The following CEACAM8 variants were observed in gnomAD, a reference collection of about 807,000 sequenced individuals.
The protein encoded by CEACAM8 is cell adhesion molecule CEACAM8.
Under a neutral mutation model 33.4 loss-of-function variants are expected in CEACAM8, and 31 were observed. The observed-to-expected ratio is 0.93, with a 90% CI of 0.70 to 1.25. The LOEUF is 1.25. CEACAM8 is among the 50% of genes most tolerant of loss of function. The probability of loss-of-function intolerance (pLI) is 0.00; values close to 1 mark genes in which losing one functional copy is unlikely to be tolerated. For missense variants in CEACAM8, 388 were observed against 434.6 expected (o/e 0.89, Z 0.95); for synonymous variants, 138 against 164.5 (o/e 0.84, Z 1.23).
At chr19:42,588,054 C>T (rs1483405918) in intron 4 of CEACAM8, among the ~76,000 whole-genome samples, 3 of 152,250 alleles carry the variant, frequency 2.0e-5, no homozygotes, top group East Asian at 3.8e-4. Context: ...GCATCACTCA[C>T]TGTCCTCTGT....
Position 42,588,852 on chromosome 19 carries a change from T to C in CEACAM8, c.890A>G (p.Tyr297Cys), listed in dbSNP as rs2042380645. The C allele has an allele frequency of 3.7e-6, 6 of 1,614,168 alleles. No individual in the cohort carries two copies. The highest frequency in any genetic ancestry group is 5.1e-6 in the Non-Finnish European group (6 of 1,180,016). The change falls in exon 4 of 6, where the codon TAT becomes TGT. Residue 297 changes from tyrosine (Y) to cysteine (C), a missense_variant. Physicochemically the swap from Tyr to Cys is radical, Grantham distance 194. Coordinates refer to ENST00000244336, the MANE Select transcript of CEACAM8 (RefSeq NM_001816.4). Reference protein sequence around the residue: ...PNITTKNSGSYACHTTNSATG... With the variant: ...PNITTKNSGSCACHTTNSATG... ...GGCTGAGTTAGTGGTGTGGCAGGCATAGGATCCGCTGTTCTTTGTAGTGAT... is the reference window on the plus strand; with the variant it reads ...GGCTGAGTTAGTGGTGTGGCAGGCACAGGATCCGCTGTTCTTTGTAGTGAT...
Position 42,589,624 on chromosome 19 carries a change from C to T in CEACAM8, c.536G>A (p.Trp179Ter), listed in dbSNP as rs757361775. 24 of 1,614,096 alleles carry T rather than the reference C, an allele frequency of 1.5e-5. No homozygotes were observed. The Middle Eastern group carries it at 4.9e-4, about 33-fold the overall frequency. The part of the protein sequence containing the change: ...PETQNTTYLW[W>*]VNGQSLPVSP... ...GACCGGGAGACTCTGACCATTTACCCACCACAGGTAGGTTGTGTTCTGAGT... is the reference window on the plus strand; with the variant it reads ...GACCGGGAGACTCTGACCATTTACCTACCACAGGTAGGTTGTGTTCTGAGT... The change falls in exon 3 of 6, where the codon TGG (tryptophan) becomes TAG (stop). Residue 179 changes from tryptophan to a stop codon, truncating the protein, a stop_gained. Coordinates refer to ENST00000244336, the MANE Select transcript of CEACAM8 (RefSeq NM_001816.4). LOFTEE classifies it high-confidence loss of function.
Position 42,588,815 on chromosome 19 carries a change from G to A in CEACAM8, c.927C>T (p.Asn309=). Residue 309 remains asparagine, a synonymous_variant, in exon 4 of 6, where the codon AAC becomes AAT. Coordinates refer to ENST00000244336, the MANE Select transcript of CEACAM8 (RefSeq NM_001816.4). ...CHTTNSATGR[N]RTTVRMITVS... ...CTGTGATCATCCTGACTGTGGTCCT[G>A]TTGCGGCCAGTGGCTGAGTTAGTGG... 6.2e-7 allele frequency: 1 copy of A among 1,614,220 alleles called. No homozygotes were observed. Among genetic ancestry groups the A allele is most frequent in the Non-Finnish European group, 8.5e-7 (1 of 1,180,040 alleles).
At chr19:42,588,046 A>C (rs956725201) in intron 4 of CEACAM8, among the ~76,000 whole-genome samples, 14 of 152,180 alleles carry the variant, frequency 9.2e-5, no homozygotes, top group Admixed American at 3.3e-4. Context: ...CCAAGTGTGC[A>C]TCACTCACTG....
intron 2 of CEACAM8, among the ~76,000 whole-genome samples, chr19:42,590,452 G>C (rs1217271814): frequency 6.6e-6 from 1 of 152,166 alleles, no homozygotes; most frequent in Non-Finnish European, 1.5e-5. Context: ...GGTTTTTAAT[G>C]TCCCTTCTTT....
In CEACAM8 at chr19:42,580,749, A is replaced by G. The variant is rs1233089908; in HGVS notation, c.*645T>C. ...TAGCTTAAAAGATAAAGAAATTCATAAATCTGAAAAAGAAAACACTTAAAG... is the reference window on the plus strand; with the variant it reads ...TAGCTTAAAAGATAAAGAAATTCATGAATCTGAAAAAGAAAACACTTAAAG... On this transcript the variant is annotated 3_prime_UTR_variant, in exon 6 of 6. Coordinates refer to ENST00000244336, the MANE Select transcript of CEACAM8 (RefSeq NM_001816.4). The G allele has an allele frequency of 6.6e-6, 1 of 152,230 alleles. No homozygotes were observed. The highest frequency in any genetic ancestry group is 1.5e-5 in the Non-Finnish European group (1 of 68,034). 9.4% of individuals were successfully genotyped at this position (152,230 alleles called of 1,614,324 possible). A position where few individuals can be genotyped will look rare whatever the true frequency, so the allele number is the denominator to read the frequency against.
Position 42,581,623 on chromosome 19 carries a change from G to C in CEACAM8, c.*41-270C>G, listed in dbSNP as rs142575798. ...CATATCAAGTAAGGCTGGGCGTGGT[G>C]GCTTATGCCTGTAATCCCAGCACTT... On this transcript the variant is annotated intron_variant, in intron 5 of 5. Coordinates refer to ENST00000244336, the MANE Select transcript of CEACAM8 (RefSeq NM_001816.4). 2.1e-3 allele frequency among the ~76,000 whole-genome samples: 315 copies of C among 152,078 alleles called. 1 individual carries two copies. The highest frequency in any genetic ancestry group is 3.4e-3 in the Middle Eastern group (1 of 294).
chr19:42,583,276 A>G lies in CEACAM8; in HGVS notation c.1020T>C (p.Ile340=). 2 of 1,613,108 alleles carry G rather than the reference A, an allele frequency of 1.2e-6. No individual in the cohort carries two copies. Among genetic ancestry groups the G allele is most frequent in the Non-Finnish European group, 1.7e-6 (2 of 1,179,188 alleles). Residue 340 remains isoleucine (I), a synonymous_variant, in exon 5 of 6, where the codon ATT becomes ATC. Transcript: ENST00000244336. ...TCAGAGCCACCCTGGCCAGTACTCC[A>G]ATCATGATGCTGACAGTGGCTCTAG... ...LSARATVSIM[I]GVLARVALI is the part of the protein sequence containing the mutation.
chr19:42,589,566 C>A lies in CEACAM8; in HGVS notation c.594G>T (p.Arg198Ser). ...TTGTGACACTGAGTAGAGTGAGGGTCCTGTTGCCATTGGACAGCTGCAGCC... is the reference window on the plus strand; with the variant it reads ...TTGTGACACTGAGTAGAGTGAGGGTACTGTTGCCATTGGACAGCTGCAGCC... ...SPRLQLSNGN[R>S]TLTLLSVTRN... The change falls in exon 3 of 6, where the codon AGG (arginine) becomes AGT (serine). Residue 198 changes from arginine (R) to serine (S), a missense_variant. Coordinates refer to ENST00000244336, the MANE Select transcript of CEACAM8 (RefSeq NM_001816.4). The A allele has an allele frequency of 1.9e-6, 3 of 1,614,108 alleles. No homozygotes were observed. Among genetic ancestry groups the A allele is most frequent in the Non-Finnish European group, 2.5e-6 (3 of 1,180,042 alleles).
At chr19:42,585,313 CAA>C (rs34190972) in intron 4 of CEACAM8, among the ~76,000 whole-genome samples, 1 of 61,950 alleles carries the variant, frequency 1.6e-5, no homozygotes. Flanking sequence ...CTCTCTCTCT[CAA>C]AAAAAAAAAA....
chr19:42,586,860 A>G (rs2042345413), intron 4 of CEACAM8, among the ~76,000 whole-genome samples: 1 of 152,220 alleles, frequency 6.6e-6, no homozygotes. Flanking sequence ...TTCAGAGTAT[A>G]TGAAGAACTA....
At chr19:42,591,190 AT>A (rs963983097) in intron 2 of CEACAM8, among the ~76,000 whole-genome samples, 1 of 152,210 alleles carries the variant, frequency 6.6e-6, no homozygotes, top group African/African-American at 2.4e-5. Context: ...GGAAACATGA[AT>A]TTTTTTCCAT....
At chr19:42,591,411 G>A (rs1444799353) in intron 2 of CEACAM8, among the ~76,000 whole-genome samples, 1 of 152,188 alleles carries the variant, frequency 6.6e-6, no homozygotes, top group Non-Finnish European at 1.5e-5. Flanking sequence ...ACCGGTCAGA[G>A]AGGAAGTCTT....
At chr19:42,585,679 C>T (rs2042325430) in intron 4 of CEACAM8, among the ~76,000 whole-genome samples, 1 of 152,180 alleles carries the variant, frequency 6.6e-6, no homozygotes, top group Non-Finnish European at 1.5e-5. Flanking sequence ...CCCCTATGAT[C>T]AGGAACAAGA....
Position 42,585,368 on chromosome 19 carries a change from G to A in CEACAM8, c.959-2031C>T, listed in dbSNP as rs188855036. ...AACGAAAGAAAGAAAAGAAAATGGA[G>A]ATATTATATATCAATTCTAGAGAAA... is the stretch of plus-strand genomic sequence containing the variant. On this transcript the variant is annotated intron_variant, in intron 4 of 5. Coordinates refer to ENST00000244336, the MANE Select transcript of CEACAM8 (RefSeq NM_001816.4). Among the ~76,000 whole-genome samples, 574 of 147,622 alleles carry A rather than the reference G, an allele frequency of 3.9e-3. 6 individuals are homozygous for A. Among genetic ancestry groups the A allele is most frequent in the African/African-American group, 0.014 (541 of 39,886 alleles).
Position 42,594,870 on chromosome 19 carries a change from T to C in CEACAM8, c.-42A>G. 1 of 1,584,192 alleles carries C rather than the reference T, an allele frequency of 6.3e-7. No individual in the cohort carries two copies. Among genetic ancestry groups the C allele is most frequent in the South Asian group, 1.1e-5 (1 of 88,812 alleles). On this transcript the variant is annotated 5_prime_UTR_variant, in exon 1 of 6. Transcript: ENST00000244336. ...GTGTTCTCCTCTGTGGAGATGAGCC[T>C]GGGATCCAGAAACTTTCTGAGCACG... is the stretch of plus-strand genomic sequence containing the variant.
intron 2 of CEACAM8, among the ~76,000 whole-genome samples, chr19:42,592,509 A>C (rs1389401059): frequency 1.4e-5 from 2 of 147,874 alleles, no homozygotes; most frequent in African/African-American, 5.0e-5. Context: ...AGGCTGAGGC[A>C]GGAGAATCGC....
chr19:42,587,068 A>G (rs1568693505), intron 4 of CEACAM8, among the ~76,000 whole-genome samples: 1 of 152,104 alleles, frequency 6.6e-6, no homozygotes, highest in Non-Finnish European at 1.5e-5. Context: ...GCTTTGATTA[A>G]AAAAAAACCA....
intron 2 of CEACAM8, among the ~76,000 whole-genome samples, chr19:42,592,148 C>T (rs544503338): frequency 2.0e-5 from 3 of 152,204 alleles, no homozygotes; most frequent in East Asian, 1.9e-4. Context: ...CCATGGGGTC[C>T]GTGGAACGCA....
Sources: allele counts gnomAD v4.1 joint callset (sites outside exome capture counted in the v4.1 genomes callset), GRCh38; gene constraint gnomAD v4.1.1; transcripts MANE v1.5; gene names NCBI Gene and HGNC (gene_info 2026-07-23, HGNC 2026-07-21).